Variants in ANO1 observed in about 807,000 individuals in gnomAD.
The protein encoded by ANO1 is anoctamin 1, also known as anoctamin-1.
Under a neutral mutation model 124.0 loss-of-function variants are expected in ANO1, and 59 were observed. That is an observed-to-expected ratio of 0.48 (90% CI 0.39 to 0.59). The LOEUF is 0.59. ANO1 is among the 20% of genes least tolerant of loss of function. ANO1 has a pLI of 0.00. For synonymous variants in ANO1, 529 were observed against 532.0 expected (o/e 0.99, Z 0.08); for missense variants, 1,059 against 1,328.0 (o/e 0.80, Z 3.15).
chr11:69,974,108 C>G, the ANO1 span, among the ~76,000 whole-genome samples: 1 of 151,926 alleles, frequency 6.6e-6, no homozygotes, highest in African/African-American at 2.4e-5. Flanking sequence ...CACCTGAGGA[C>G]AGGAGTTCGA....
intron 1 of ANO1, among the ~76,000 whole-genome samples, chr11:70,036,701 G>A (rs939958635): frequency 7.9e-5 from 12 of 152,084 alleles, no homozygotes; most frequent in Middle Eastern, 3.2e-3. Flanking sequence ...TCCACCTCCC[G>A]GGTTCATGCC....
At chr11:70,165,684 T>A in intron 20 of ANO1, 114 bp downstream of exon 20, 1 of 816,304 alleles carries the variant, frequency 1.2e-6, no homozygotes, top group Non-Finnish European at 1.9e-6. Context: ...ATGGGGGCAC[T>A]AGAAGCAGGG....
At chr11:70,113,864 C>G (rs1256412257) in intron 7 of ANO1, among the ~76,000 whole-genome samples, 1 of 152,156 alleles carries the variant, frequency 6.6e-6, no homozygotes. Flanking sequence ...TGAGGTCACA[C>G]AGCCCCTTTG....
intron 1 of ANO1, among the ~76,000 whole-genome samples, chr11:70,040,168 A>C (rs1857161273): frequency 6.6e-6 from 1 of 152,084 alleles, no homozygotes; most frequent in South Asian, 2.1e-4. Context: ...CAAGACCCAC[A>C]ATGGGATAAT....
rs866096610 is a variant in ANO1, at chr11:70,078,452, C to A, written c.-155C>A. The A allele has an allele frequency of 2.8e-5, 5 of 175,792 alleles. No homozygotes were observed. The highest frequency in any genetic ancestry group is 4.3e-5 in the Non-Finnish European group (4 of 92,414). The allele number at this position is 175,792 out of a possible 1,614,324, so 10.9% of individuals were successfully genotyped here. ...GGGCGGGCCAGGGCGGCGGGCGGAG[C>A]GGGAGGCGGCCACGTCCCCGGCGGG... is the stretch of plus-strand genomic sequence containing the variant. On this transcript the variant is annotated 5_prime_UTR_variant, in exon 1 of 26. Transcript: ENST00000355303.
upstream of ANO1, among the ~76,000 whole-genome samples, chr11:70,077,837 G>A (rs935700794): frequency 6.6e-6 from 1 of 152,198 alleles, no homozygotes; most frequent in African/African-American, 2.4e-5. Context: ...CGGGGGCACC[G>A]GTAACATCAG....
rs572560600 is a variant in ANO1 at position 70,091,468 on chromosome 11, C to A, written c.441+3384C>A. ...ACCTGGCCAGTAGCACCTCCCTCCC[C>A]AAGTTGTGAAAGCAAACCAGAAATG... On this transcript the variant is annotated intron_variant, in intron 2 of 25. Transcript: ENST00000355303. Among the ~76,000 whole-genome samples the A allele has an allele frequency of 2.6e-5, 4 of 152,286 alleles. No individual in the cohort carries two copies. In the East Asian group the frequency reaches 7.7e-4, roughly 29 times the overall value.
At chr11:70,108,332 C>A (rs543857789) in intron 5 of ANO1, 21 bp from the exon 6 acceptor site, 14 of 1,604,438 alleles carry the variant, frequency 8.7e-6, no homozygotes, top group Admixed American at 5.0e-5. Flanking sequence ...CTGCTCACCC[C>A]CCTTCTTGTC....
At position 70,182,491 on chromosome 11, in the gene ANO1, C is replaced by G; in HGVS notation, c.2404-11C>G. 6.4e-7 allele frequency: 1 copy of G among 1,555,564 alleles called. No homozygotes were observed. The highest frequency in any genetic ancestry group is 1.2e-5 in the South Asian group (1 of 81,078). On this transcript the variant is annotated splice_polypyrimidine_tract_variant and intron_variant, in intron 23 of 25. Transcript: ENST00000355303. Reference sequence around the variant, plus strand: ...CTGGGGGTCCCCCTCACTGCCATGTCCCCTGCACAGGCCTTCGTGATCTCC... The same window carrying G: ...CTGGGGGTCCCCCTCACTGCCATGTGCCCTGCACAGGCCTTCGTGATCTCC...
At chr11:70,141,654 A>T (rs2047158256) in intron 11 of ANO1, 1 of 152,230 alleles carries the variant, frequency 6.6e-6, no homozygotes, top group Non-Finnish European at 1.5e-5. Context: ...GTGAGCGGAG[A>T]GGGGAGGGAC....
intron 1 of ANO1, among the ~76,000 whole-genome samples, chr11:70,079,911 T>G (rs1049457635): frequency 1.3e-5 from 2 of 151,986 alleles, no homozygotes; most frequent in African/African-American, 4.8e-5. Context: ...CTTCAGGAAA[T>G]GAGATTGCAC....
chr11:70,186,395 G>GAAGGAAGGAAGGAAGGAAGGAAGA (rs1251399539), intron 25 of ANO1, among the ~76,000 whole-genome samples: 30 of 146,094 alleles, frequency 2.1e-4, no homozygotes, highest in East Asian at 2.1e-4. Context: ...AGGAAGGAAG[G>GAAGGAAGGAAGGAAGGAAGGAAGA]AAGAAAGACA....
At chr11:70,116,581 G>C (rs879830448) in intron 8 of ANO1, 82 bp downstream of exon 8, 2 of 1,439,528 alleles carry the variant, frequency 1.4e-6, no homozygotes, top group Non-Finnish European at 1.9e-6. Context: ...CAGCTGGACC[G>C]AGGACTTACC....
chr11:70,025,356 A>ATGG (rs1375098755), intron 1 of ANO1, among the ~76,000 whole-genome samples: 3 of 152,092 alleles, frequency 2.0e-5, no homozygotes, highest in African/African-American at 7.2e-5. Context: ...CATGATAATG[A>ATGG]TGGTGGTGGT....
At chr11:70,126,949 T>G (rs1364876714) in intron 10 of ANO1, among the ~76,000 whole-genome samples, 2 of 131,948 alleles carry the variant, frequency 1.5e-5, no homozygotes, top group Non-Finnish European at 3.2e-5. Context: ...ACGTGAACGC[T>G]AGAGGCCTCG....
intron 2 of ANO1, among the ~76,000 whole-genome samples, chr11:70,099,113 A>G (rs1389596465): frequency 1.3e-5 from 2 of 152,044 alleles, no homozygotes; most frequent in East Asian, 3.9e-4. Flanking sequence ...GTGGCTCTCG[A>G]CAAAGTAGGT....
chr11:70,123,266 G>A lies in ANO1; in HGVS notation c.898-1084G>A, dbSNP rs539438105. Reference sequence around the variant, plus strand: ...TTCGGGGGGCTGTGCAGCAGCAGGCGGCCCCTCTATGGATCTCAGGAATAC... The same window carrying A: ...TTCGGGGGGCTGTGCAGCAGCAGGCAGCCCCTCTATGGATCTCAGGAATAC... On this transcript the variant is annotated intron_variant, in intron 8 of 25. Transcript: ENST00000355303. 1.9e-4 allele frequency among the ~76,000 whole-genome samples: 29 copies of A among 152,320 alleles called. No homozygotes were observed. The Middle Eastern group carries it at 0.014, about 71-fold the overall frequency.
At chr11:70,117,458 G>A (rs1338069754) in intron 8 of ANO1, among the ~76,000 whole-genome samples, 6 of 151,974 alleles carry the variant, frequency 3.9e-5, no homozygotes, top group Admixed American at 3.9e-4. Context: ...TCTGAGCATG[G>A]GAACTCCACC....
chr11:70,138,321 G>A (rs1432094411), intron 11 of ANO1, among the ~76,000 whole-genome samples: 8 of 114,522 alleles, frequency 7.0e-5, no homozygotes, highest in African/African-American at 1.9e-4. Context: ...CTCCAGCCTG[G>A]GCAAAAAGAG....
Sources: gnomAD v4.1 joint callset for allele counts (sites outside exome capture counted in the v4.1 genomes callset) on GRCh38, gnomAD v4.1.1 for gene constraint, MANE v1.5 for transcripts, NCBI Gene and HGNC (gene_info 2026-07-23, HGNC 2026-07-21) for gene names.